Variants in ARL13B observed in about 807,000 individuals in gnomAD.
ARL13B encodes the protein ADP-ribosylation factor-like protein 13B.
In ARL13B, 36 loss-of-function variants were observed where a neutral mutation model predicts 56.1. The observed-to-expected ratio is 0.64, with a 90% confidence interval of 0.49 to 0.85. The LOEUF is 0.85. Among genes scored for constraint, ARL13B ranks in the 40% least tolerant of loss-of-function variants. ARL13B has a pLI of 0.00. For missense variants in ARL13B, 519 were observed against 507.1 expected, an observed-to-expected ratio of 1.02 and a Z score of -0.23; for synonymous variants, 178 against 171.1, an observed-to-expected ratio of 1.04 and a Z score of -0.32.
chr3:94,045,306 C>T (rs1045247429), intron 7 of ARL13B, among the ~76,000 whole-genome samples: 79 of 151,960 alleles, frequency 5.2e-4, no homozygotes, highest in African/African-American at 1.5e-3. Flanking sequence ...ACAAACACTG[C>T]GGAAGGCTGC....
intron 7 of ARL13B, among the ~76,000 whole-genome samples, chr3:94,046,682 A>G (rs2076990036): frequency 6.6e-6 from 1 of 152,130 alleles, no homozygotes; most frequent in Non-Finnish European, 1.5e-5. Context: ...TAAATTTAAC[A>G]TCTTAAGGTT....
intron 1 of ARL13B, among the ~76,000 whole-genome samples, chr3:93,991,121 G>A (rs2075867668): frequency 6.6e-6 from 1 of 152,150 alleles, no homozygotes; most frequent in South Asian, 2.1e-4. Flanking sequence ...AATGCTTAAC[G>A]TACTTTAATT....
At chr3:94,041,774 A>T (rs1315245948) in intron 6 of ARL13B, among the ~76,000 whole-genome samples, 3 of 152,294 alleles carry the variant, frequency 2.0e-5, no homozygotes, top group African/African-American at 4.8e-5. Context: ...CTAAAAAAAA[A>T]TTAAAAATGT....
At chr3:94,036,175 CATT>C (rs1475766893) in intron 4 of ARL13B, among the ~76,000 whole-genome samples, 2 of 152,142 alleles carry the variant, frequency 1.3e-5, no homozygotes, top group African/African-American at 4.8e-5. Context: ...TTTCAAAAAA[CATT>C]AGGCTGTCAA....
At chr3:94,031,587 C>G (rs1181784202) in intron 3 of ARL13B, among the ~76,000 whole-genome samples, 1 of 152,044 alleles carries the variant, frequency 6.6e-6, no homozygotes, top group Non-Finnish European at 1.5e-5. Context: ...TTAAAAAGAG[C>G]AATAACTGCA....
intron 8 of ARL13B, among the ~76,000 whole-genome samples, chr3:94,050,474 T>C (rs1366708896): frequency 6.6e-6 from 1 of 152,134 alleles, no homozygotes; most frequent in African/African-American, 2.4e-5. Flanking sequence ...TTTGGTAACA[T>C]TTTAAGAATC....
Position 94,055,301 on chromosome 3 carries a change from T to A in ARL13B, c.*2038T>A, listed in dbSNP as rs906362290. 11 of 416,774 alleles carry A rather than the reference T, an allele frequency of 2.6e-5. No individual in the cohort carries two copies. The highest frequency in any genetic ancestry group is 2.3e-4 in the African/African-American group (11 of 47,932). The allele number at this position is 416,774 out of a possible 1,614,324, so 25.8% of individuals were successfully genotyped here. A position where few individuals can be genotyped will look rare whatever the true frequency, so the allele number is the denominator to read the frequency against. ...TCAATATTCTGTTTCTCTTTTCAAT[T>A]GGTAGATTTAAATGATTTCCTTTGG... On this transcript the variant is annotated 3_prime_UTR_variant, in exon 10 of 10. Transcript: ENST00000394222.
chr3:94,020,503 A>T lies in ARL13B; in HGVS notation c.381-14828A>T, dbSNP rs184890166. Among the ~76,000 whole-genome samples, 4 of 152,310 alleles carry T rather than the reference A, an allele frequency of 2.6e-5. 1 individual carries two copies. The highest frequency in any genetic ancestry group is 5.9e-5 in the Non-Finnish European group (4 of 68,022). Reference sequence around the variant, plus strand: ...TGACATAGCATAGCTTTACTATGCTATGAAGGTTTTTCAGTGGTGTTAGAT... The same window carrying T: ...TGACATAGCATAGCTTTACTATGCTTTGAAGGTTTTTCAGTGGTGTTAGAT... On this transcript the variant is annotated intron_variant, in intron 3 of 9. Transcript: ENST00000394222.
At chr3:94,012,110 T>C (rs2076234319) in intron 3 of ARL13B, among the ~76,000 whole-genome samples, 1 of 152,094 alleles carries the variant, frequency 6.6e-6, no homozygotes, top group African/African-American at 2.4e-5. Flanking sequence ...CTCCTCTTCT[T>C]CTTTGAGTCT....
At chr3:93,995,563 CAG>C (rs1280463232) in intron 1 of ARL13B, among the ~76,000 whole-genome samples, 1 of 152,124 alleles carries the variant, frequency 6.6e-6, no homozygotes, top group East Asian at 1.9e-4. Flanking sequence ...ATAGAGAACT[CAG>C]AGTTAGATTG....
intron 3 of ARL13B, among the ~76,000 whole-genome samples, chr3:94,027,898 CAATG>C (rs2076591095): frequency 6.6e-6 from 1 of 151,998 alleles, no homozygotes; most frequent in Non-Finnish European, 1.5e-5. Flanking sequence ...TAGTAAACAA[CAATG>C]AAGCAATTAA....
chr3:94,000,631 G>C (rs189654975), intron 2 of ARL13B, among the ~76,000 whole-genome samples: 1 of 152,024 alleles, frequency 6.6e-6, no homozygotes, highest in East Asian at 1.9e-4. Flanking sequence ...GTGTGTGTGT[G>C]TGTGTGTATA....
At chr3:93,994,046 A>G (rs1405814632) in intron 1 of ARL13B, among the ~76,000 whole-genome samples, 2 of 152,192 alleles carry the variant, frequency 1.3e-5, no homozygotes, top group South Asian at 2.1e-4. Context: ...AACATCTAGA[A>G]AAGATAAAGG....
At chr3:94,051,446 T>A (rs2077065971) in intron 9 of ARL13B, among the ~76,000 whole-genome samples, 1 of 152,104 alleles carries the variant, frequency 6.6e-6, no homozygotes. Flanking sequence ...AAGAGAACAG[T>A]TTTCTTTGAA....
intron 7 of ARL13B, 36 bp downstream of exon 7, chr3:94,043,276 G>GTA (rs1206445581): frequency 6.6e-7 from 1 of 1,524,748 alleles, no homozygotes; most frequent in Non-Finnish European, 9.0e-7. Flanking sequence ...ATTATCTTAT[G>GTA]TATATATAAA....
intron 3 of ARL13B, among the ~76,000 whole-genome samples, chr3:94,005,067 A>G (rs1167205133): frequency 3.3e-5 from 5 of 152,028 alleles, no homozygotes; most frequent in Non-Finnish European, 7.4e-5. Flanking sequence ...TCTTTTCTGG[A>G]TTTATTCATT....
Position 94,053,908 on chromosome 3 carries a change from G to T in ARL13B, c.*645G>T, listed in dbSNP as rs2107211545. The T allele has an allele frequency of 3.2e-6, 1 of 315,848 alleles. No homozygotes were observed. Among genetic ancestry groups the T allele is most frequent in the South Asian group, 2.8e-5 (1 of 36,088 alleles). 19.6% of individuals were successfully genotyped at this position (315,848 alleles called of 1,614,324 possible). A position where few individuals can be genotyped will look rare whatever the true frequency, so the allele number is the denominator to read the frequency against. ...GTTCTTTAAGTGTACATCGTAATTTGACCTAATTTAAAAATAATATATTTT... is the reference window on the plus strand; with the variant it reads ...GTTCTTTAAGTGTACATCGTAATTTTACCTAATTTAAAAATAATATATTTT... On this transcript the variant is annotated 3_prime_UTR_variant, in exon 10 of 10. Coordinates refer to ENST00000394222, the MANE Select transcript of ARL13B (RefSeq NM_001174150.2).
In ARL13B at chr3:94,014,814, A is replaced by T. The variant is rs773685846; in HGVS notation, c.380+10906A>T. 20 of 1,613,956 alleles carry T rather than the reference A, an allele frequency of 1.2e-5. No individual in the cohort carries two copies. In the African/African-American group the frequency reaches 2.5e-4, roughly 20 times the overall value. Reference sequence around the variant, plus strand: ...TCTCTTGCTTTGCTGCTATTGTGTCATTGTATATAAACATGATTTGCTGAA... The same window carrying T: ...TCTCTTGCTTTGCTGCTATTGTGTCTTTGTATATAAACATGATTTGCTGAA... On this transcript the variant is annotated intron_variant, in intron 3 of 9. Coordinates refer to ENST00000394222, the MANE Select transcript of ARL13B (RefSeq NM_001174150.2).
chr3:94,018,940 A>G (rs2076390996), intron 3 of ARL13B, among the ~76,000 whole-genome samples: 1 of 151,504 alleles, frequency 6.6e-6, no homozygotes, highest in African/African-American at 2.4e-5. Flanking sequence ...TAATTTTTGT[A>G]TTTTTATTAA....
Sources: gnomAD v4.1 joint callset for allele counts (sites outside exome capture counted in the v4.1 genomes callset) on GRCh38, gnomAD v4.1.1 for gene constraint, MANE v1.5 for transcripts, NCBI Gene and HGNC (gene_info 2026-07-23, HGNC 2026-07-21) for gene names.